The following AGBL4 variants were observed in gnomAD, a reference collection of about 807,000 sequenced individuals.
AGBL4 encodes cytosolic carboxypeptidase 6.
A neutral mutation model predicts 66.4 loss-of-function variants in AGBL4; 58 were observed. That is an observed-to-expected ratio of 0.87 (90% CI 0.71 to 1.09). AGBL4 has a LOEUF of 1.09. Ranked by LOEUF, AGBL4 falls within the 50% of genes least tolerant of loss-of-function variation. The pLI is 0.00. For synonymous variants in AGBL4, 234 were observed against 222.9 expected, an observed-to-expected ratio of 1.05 and a Z score of -0.44; for missense variants, 579 against 631.0, an observed-to-expected ratio of 0.92 and a Z score of 0.88.
At chr1:48,691,157 C>CAA (rs35401645) in intron 6 of AGBL4, among the ~76,000 whole-genome samples, 870 of 83,978 alleles carry the variant, frequency 0.01, 17 homozygotes, top group South Asian at 0.048. Flanking sequence ...GACTCCCTCT[C>CAA]AAAAAAAAAA....
Position 49,845,214 on chromosome 1 carries a change from C to T in AGBL4, c.157+6182G>A, listed in dbSNP as rs1646107540. 8.7e-6 allele frequency: 13 copies of T among 1,490,556 alleles called. No homozygotes were observed. In the Middle Eastern group the frequency reaches 5.1e-4, roughly 59 times the overall value. The allele number at this position is 1,490,556 out of a possible 1,614,324, so 92.3% of individuals were successfully genotyped here. On this transcript the variant is annotated intron_variant, in intron 2 of 13. Coordinates refer to ENST00000371839, the MANE Select transcript of AGBL4 (RefSeq NM_032785.4). ...GAAACAGCTCGGCACTTACCAAACACCAGAGAATCCACACTGGGGAGAAAC... is the reference window on the plus strand; with the variant it reads ...GAAACAGCTCGGCACTTACCAAACATCAGAGAATCCACACTGGGGAGAAAC...
chr1:49,822,216 TAAA>T (rs1645387883), intron 2 of AGBL4, among the ~76,000 whole-genome samples: 1 of 152,236 alleles, frequency 6.6e-6, no homozygotes, highest in Non-Finnish European at 1.5e-5. Flanking sequence ...TTTAAAACTA[TAAA>T]ATTAAAGGTA....
intron 6 of AGBL4, among the ~76,000 whole-genome samples, chr1:48,780,813 A>G (rs1032641447): frequency 2.0e-5 from 3 of 152,190 alleles, no homozygotes; most frequent in Non-Finnish European, 2.9e-5. Flanking sequence ...AAGACCTAAA[A>G]CCATAAAAAC....
chr1:49,806,543 A>G (rs1271876829), intron 2 of AGBL4, among the ~76,000 whole-genome samples: 1 of 152,240 alleles, frequency 6.6e-6, no homozygotes, highest in South Asian at 2.1e-4. Flanking sequence ...GAACTTAAAG[A>G]TCTGAAAAAC....
chr1:48,587,566 C>T (rs1644842969), intron 10 of AGBL4, among the ~76,000 whole-genome samples: 2 of 151,758 alleles, frequency 1.3e-5, no homozygotes, highest in South Asian at 2.1e-4. Flanking sequence ...AGTGTGAGTT[C>T]AGCCTAGGCA....
intron 7 of AGBL4, among the ~76,000 whole-genome samples, chr1:48,661,005 G>A (rs1418234797): frequency 6.6e-6 from 1 of 152,162 alleles, no homozygotes; most frequent in East Asian, 1.9e-4. Context: ...GTTCAACGCA[G>A]CATTTTTTCC....
intron 4 of AGBL4, among the ~76,000 whole-genome samples, chr1:49,202,985 C>G (rs946286185): frequency 6.6e-6 from 1 of 150,644 alleles, no homozygotes; most frequent in Non-Finnish European, 1.5e-5. Context: ...ATAGAAATGG[C>G]CAGCAAGCAT....
chr1:49,837,737 C>T (rs1046601978), intron 2 of AGBL4, among the ~76,000 whole-genome samples: 12 of 152,036 alleles, frequency 7.9e-5, no homozygotes, highest in Admixed American at 7.9e-4. Flanking sequence ...TCCAGCTACT[C>T]GGGAGGCTGA....
At chr1:48,996,828 T>TTCCTTCCTTCCA (rs1661042104) in intron 5 of AGBL4, among the ~76,000 whole-genome samples, 1 of 151,340 alleles carries the variant, frequency 6.6e-6, no homozygotes, top group Admixed American at 6.6e-5. Flanking sequence ...CCTTCCTTCC[T>TTCCTTCCTTCCA]TCCTTCCTTC....
intron 11 of AGBL4, among the ~76,000 whole-genome samples, chr1:48,569,324 C>G (rs1432958738): frequency 6.6e-6 from 1 of 152,234 alleles, no homozygotes; most frequent in Non-Finnish European, 1.5e-5. Context: ...CAATGCCCAG[C>G]ACAGGGCATG....
intron 6 of AGBL4, among the ~76,000 whole-genome samples, chr1:48,774,693 G>T (rs1054907476): frequency 1.3e-5 from 2 of 152,210 alleles, no homozygotes; most frequent in Non-Finnish European, 2.9e-5. Flanking sequence ...ACAGCTACAT[G>T]TATCTTGCTT....
At chr1:49,620,449 A>C (rs1172727195) in intron 3 of AGBL4, among the ~76,000 whole-genome samples, 15 of 152,202 alleles carry the variant, frequency 9.9e-5, no homozygotes, top group Admixed American at 9.2e-4. Flanking sequence ...AATGGTGATC[A>C]TTAAAAAGTC....
At chr1:49,521,357 A>G (rs969076988) in intron 3 of AGBL4, among the ~76,000 whole-genome samples, 14 of 152,152 alleles carry the variant, frequency 9.2e-5, no homozygotes, top group Non-Finnish European at 1.6e-4. Context: ...AGGACTTCAA[A>G]CTAAACTATA....
At chr1:49,698,066 T>C (rs1296549053) in intron 2 of AGBL4, among the ~76,000 whole-genome samples, 1 of 152,298 alleles carries the variant, frequency 6.6e-6, no homozygotes, top group East Asian at 1.9e-4. Context: ...AACTTAGGTG[T>C]TATCTCCATT....
chr1:48,667,522 C>T (rs1290735010), intron 6 of AGBL4, among the ~76,000 whole-genome samples: 1 of 152,226 alleles, frequency 6.6e-6, no homozygotes, highest in Non-Finnish European at 1.5e-5. Flanking sequence ...TATGCCAAAA[C>T]CACCCAGCTA....
chr1:48,531,807 A>T (rs1569640054), downstream of AGBL4, among the ~76,000 whole-genome samples: 1 of 151,672 alleles, frequency 6.6e-6, no homozygotes, highest in African/African-American at 2.4e-5. Context: ...CCAGAGTCTC[A>T]CTCTGTCACC....
chr1:49,944,892 C>T (rs181155747), intron 1 of AGBL4, among the ~76,000 whole-genome samples: 4 of 151,898 alleles, frequency 2.6e-5, no homozygotes, highest in South Asian at 2.1e-4. Flanking sequence ...CAGGAAACCA[C>T]GGATGCACTT....
At chr1:49,157,303 A>G (rs562888767) in intron 4 of AGBL4, among the ~76,000 whole-genome samples, 2 of 150,502 alleles carry the variant, frequency 1.3e-5, no homozygotes, top group South Asian at 2.1e-4. Flanking sequence ...TCATTGTTCA[A>G]CTCCCACTTA....
intron 2 of AGBL4, among the ~76,000 whole-genome samples, chr1:49,729,660 A>G (rs1649284012): frequency 1.3e-5 from 2 of 152,206 alleles, no homozygotes; most frequent in South Asian, 4.1e-4. Context: ...CGGAAGACCC[A>G]GGTTAAACAT....
Sources: gnomAD v4.1 joint callset for allele counts (sites outside exome capture counted in the v4.1 genomes callset) on GRCh38, gnomAD v4.1.1 for gene constraint, MANE v1.5 for transcripts, NCBI Gene and HGNC (gene_info 2026-07-23, HGNC 2026-07-21) for gene names.